POLDIP3: variants seen among roughly 807,000 people sequenced by gnomAD.
The protein encoded by POLDIP3 is DNA polymerase delta interacting protein 3.
In POLDIP3, 14 loss-of-function variants were observed where a neutral mutation model predicts 45.1. The ratio of observed to expected loss-of-function variants is 0.31; its 90% CI spans 0.20 to 0.49. The LOEUF (loss-of-function observed/expected upper bound fraction) is 0.49, where lower values mean the gene tolerates loss of function less well. POLDIP3 is among the 20% of genes least tolerant of loss of function. The pLI, the probability that POLDIP3 is intolerant of heterozygous loss-of-function variation, is 0.99. For synonymous variants in POLDIP3, 223 were observed against 205.2 expected, an observed-to-expected ratio of 1.09 and a Z score of -0.74; for missense variants, 511 against 538.8, an observed-to-expected ratio of 0.95 and a Z score of 0.51.
chr22:42,604,478 T>C (rs1308493037), intron 1 of POLDIP3, among the ~76,000 whole-genome samples: 1 of 152,148 alleles, frequency 6.6e-6, no homozygotes, highest in Admixed American at 6.6e-5. Context: ...CCATGGGTGA[T>C]TCTGGAGAAG....
chr22:42,595,723 G>C, intron 5 of POLDIP3, 109 bp from the exon 6 acceptor site: 1 of 968,088 alleles, frequency 1.0e-6, no homozygotes, highest in Non-Finnish European at 1.6e-6. Flanking sequence ...AAGCTCCATG[G>C]AGAGTTACCA....
At position 42,602,001 on chromosome 22, in the gene POLDIP3, A is replaced by G. The variant is rs151088327; in HGVS notation, c.506T>C (p.Ile169Thr). The G allele has an allele frequency of 1.7e-3, 2,790 of 1,614,078 alleles. 2 individuals are homozygous for G. Among genetic ancestry groups the G allele is most frequent in the Non-Finnish European group, 2.1e-3 (2,500 of 1,179,996 alleles). ...GGCCTGGTGGTTATTGACAACATTG[A>G]TTCTCATTCCGGCAGGATGGGGATG... ...PLHPHPAGMR[I>T]NVVNNHQAKQ... The change falls in exon 3 of 9, where the codon ATC becomes ACC. Residue 169 changes from isoleucine (I) to threonine (T), a missense_variant. Around this residue, in one of 4 missense-constraint regions of POLDIP3, gnomAD observed 378 missense variants for 352.3 expected, o/e 1.07. Coordinates refer to ENST00000252115, the MANE Select transcript of POLDIP3 (RefSeq NM_032311.5).
At chr22:42,588,658 C>T (rs1390433492) in intron 7 of POLDIP3, among the ~76,000 whole-genome samples, 23 of 137,054 alleles carry the variant, frequency 1.7e-4, no homozygotes, top group African/African-American at 5.1e-4. Flanking sequence ...GATGGAGTTT[C>T]GCTCTTATTG....
At position 42,584,867 on chromosome 22, in the gene POLDIP3, C is replaced by G. The variant is rs1925193817; in HGVS notation, c.*924G>C. On this transcript the variant is annotated 3_prime_UTR_variant, in exon 9 of 9. Transcript: ENST00000252115. ...GAGGCCAGAAATGGAGAGCCAGGAA[C>G]AAACTGACCTCTTCCATTCAAATAA... 1 of 455,874 alleles carries G rather than the reference C, an allele frequency of 2.2e-6. No homozygotes were observed. 28.2% of individuals were successfully genotyped at this position (455,874 alleles called of 1,614,324 possible). A position where few individuals can be genotyped will look rare whatever the true frequency, so the allele number is the denominator to read the frequency against.
chr22:42,604,412 C>T (rs1926594522), intron 1 of POLDIP3, among the ~76,000 whole-genome samples: 1 of 152,162 alleles, frequency 6.6e-6, no homozygotes, highest in Non-Finnish European at 1.5e-5. Flanking sequence ...CCAGATCCCA[C>T]CCTAGATGCT....
intron 6 of POLDIP3, among the ~76,000 whole-genome samples, chr22:42,594,946 G>C (rs1358468960): frequency 1.3e-5 from 2 of 152,222 alleles, no homozygotes; most frequent in Non-Finnish European, 1.5e-5. Flanking sequence ...CCCTGACTCT[G>C]AGATTCAGGC....
Position 42,584,659 on chromosome 22 carries a change from G to T in POLDIP3, c.*1132C>A. Reference sequence around the variant, plus strand: ...CCCAACTGTCTGCGCCTATGCTGGGGAAACACCTTGCCTGGTAGAGCTGCC... The same window carrying T: ...CCCAACTGTCTGCGCCTATGCTGGGTAAACACCTTGCCTGGTAGAGCTGCC... On this transcript the variant is annotated 3_prime_UTR_variant, in exon 9 of 9. Coordinates refer to ENST00000252115, the MANE Select transcript of POLDIP3 (RefSeq NM_032311.5). The T allele has an allele frequency of 2.9e-6, 1 of 347,624 alleles. No individual in the cohort carries two copies. The highest frequency in any genetic ancestry group is 5.6e-6 in the Non-Finnish European group (1 of 178,078). 21.5% of individuals were successfully genotyped at this position (347,624 alleles called of 1,614,324 possible).
chr22:42,605,412 C>A (rs1926661184), intron 1 of POLDIP3, among the ~76,000 whole-genome samples: 2 of 152,246 alleles, frequency 1.3e-5, no homozygotes, highest in Admixed American at 1.3e-4. Context: ...AGGCGTGAGC[C>A]ACTGCGCCCG....
intron 1 of POLDIP3, among the ~76,000 whole-genome samples, chr22:42,608,906 G>A (rs547599988): frequency 1.3e-4 from 20 of 152,152 alleles, no homozygotes; most frequent in Middle Eastern, 3.2e-3. Context: ...AACTTCTTTC[G>A]TGAACAGCTT....
rs781442527 is a variant in POLDIP3, at chr22:42,591,974, G to A, written c.1002C>T (p.Tyr334=). The part of the protein sequence containing the change: ...KDDAITAYKK[Y]NNRCLDGQPM... Reference sequence around the variant, plus strand: ...ACTTACCGTCCAGACACCGGTTGTTGTACTTCTTATATGCGGTGATGGCAT... The same window carrying A: ...ACTTACCGTCCAGACACCGGTTGTTATACTTCTTATATGCGGTGATGGCAT... The change falls in exon 7 of 9, where the codon TAC becomes TAT. Residue 334 remains tyrosine, a synonymous_variant. Transcript: ENST00000252115. 1 of 1,614,222 alleles carries A rather than the reference G, an allele frequency of 6.2e-7. No homozygotes were observed. The highest frequency in any genetic ancestry group is 1.7e-5 in the Admixed American group (1 of 60,024).
At chr22:42,608,896 A>G (rs1470722248) in intron 1 of POLDIP3, among the ~76,000 whole-genome samples, 1 of 152,126 alleles carries the variant, frequency 6.6e-6, no homozygotes, top group Non-Finnish European at 1.5e-5. Flanking sequence ...CAGTGCTTTC[A>G]ACTTCTTTCG....
rs574061724 is a variant in POLDIP3, at chr22:42,588,749, C to T, written c.1022-1177G>A. Among the ~76,000 whole-genome samples, 20 of 151,906 alleles carry T rather than the reference C, an allele frequency of 1.3e-4. No homozygotes were observed. The South Asian group carries it at 3.5e-3, about 27-fold the overall frequency. On this transcript the variant is annotated intron_variant, in intron 7 of 8. Transcript: ENST00000252115. ...GTTCAAGCGATTATCCTGCCTCAGC[C>T]TCCGGAGTAACTGGGATTACAGGCA...
At chr22:42,602,513 A>G (rs963051230) in intron 2 of POLDIP3, among the ~76,000 whole-genome samples, 2 of 151,914 alleles carry the variant, frequency 1.3e-5, no homozygotes, top group African/African-American at 4.8e-5. Context: ...TCTTTCTTCC[A>G]CCAGTATCTC....
intron 6 of POLDIP3, 64 bp downstream of exon 6, chr22:42,595,473 C>CTT (rs1925927381): frequency 6.1e-6 from 9 of 1,476,436 alleles, no homozygotes; most frequent in Non-Finnish European, 8.5e-6. Context: ...GAGGGTGGGT[C>CTT]TTAAGAGACC....
chr22:42,612,748 C>T (rs1391882292), intron 1 of POLDIP3, among the ~76,000 whole-genome samples: 3 of 152,162 alleles, frequency 2.0e-5, no homozygotes, highest in Non-Finnish European at 4.4e-5. Context: ...ATCACTTAAA[C>T]CCAAGAGGCA....
At chr22:42,604,233 G>A (rs1926582013) in intron 1 of POLDIP3, among the ~76,000 whole-genome samples, 1 of 152,174 alleles carries the variant, frequency 6.6e-6, no homozygotes, top group African/African-American at 2.4e-5. Flanking sequence ...ACTCTCCTCT[G>A]TGCCTATTAT....
intron 1 of POLDIP3, among the ~76,000 whole-genome samples, chr22:42,611,980 G>C (rs896033606): frequency 1.3e-5 from 2 of 152,196 alleles, no homozygotes; most frequent in African/African-American, 4.8e-5. Flanking sequence ...GGGACCACTG[G>C]ATCTAGTTTT....
intron 4 of POLDIP3, among the ~76,000 whole-genome samples, chr22:42,598,909 A>T (rs1926170136): frequency 6.6e-6 from 1 of 152,156 alleles, no homozygotes; most frequent in Non-Finnish European, 1.5e-5. Flanking sequence ...TCTCTGCATG[A>T]TGTCTGACCA....
chr22:42,596,879 G>A (rs922041893), intron 4 of POLDIP3, among the ~76,000 whole-genome samples: 1 of 152,070 alleles, frequency 6.6e-6, no homozygotes, highest in African/African-American at 2.4e-5. Flanking sequence ...GAGCTGCTCT[G>A]CCTGTGGAGT....
Sources: allele counts gnomAD v4.1 joint callset (sites outside exome capture counted in the v4.1 genomes callset), GRCh38; gene constraint gnomAD v4.1.1; regional missense constraint gnomAD v4.1.1; transcripts MANE v1.5; gene names NCBI Gene and HGNC (gene_info 2026-07-23, HGNC 2026-07-21).